The following LVRN variants were observed in gnomAD, a reference collection of about 807,000 sequenced individuals.
LVRN encodes the protein aminopeptidase Q.
In LVRN, 99 loss-of-function variants were observed where a neutral mutation model predicts 111.4. The ratio of observed to expected loss-of-function variants is 0.89; its 90% CI spans 0.76 to 1.05. The LOEUF is 1.05. Among genes scored for constraint, LVRN ranks in the 50% least tolerant of loss-of-function variants. LVRN has a pLI of 0.00. For missense variants in LVRN, 1,414 were observed against 1,206.8 expected (o/e 1.17, Z -2.54); for synonymous variants, 488 against 449.5 (o/e 1.09, Z -1.08).
intron 1 of LVRN, chr5:115,976,144 C>T (rs919759916): frequency 5.3e-5 from 8 of 152,224 alleles, no homozygotes; most frequent in East Asian, 1.9e-4. Flanking sequence ...GGGGTCTCTT[C>T]GGTCCCCACT....
At chr5:115,977,176 A>T (rs1753467250) in intron 1 of LVRN, among the ~76,000 whole-genome samples, 1 of 152,142 alleles carries the variant, frequency 6.6e-6, no homozygotes, top group Non-Finnish European at 1.5e-5. Flanking sequence ...GGAATCCTAT[A>T]CAGATTTCTG....
At chr5:116,000,830 A>C (rs1249508008) in intron 9 of LVRN, among the ~76,000 whole-genome samples, 172 bp downstream of exon 9, 1 of 152,216 alleles carries the variant, frequency 6.6e-6, no homozygotes, top group Non-Finnish European at 1.5e-5. Context: ...CCCAGTGCCC[A>C]GAACAGAGCA....
intron 4 of LVRN, among the ~76,000 whole-genome samples, chr5:115,988,494 T>C (rs986430649): frequency 6.6e-6 from 1 of 152,212 alleles, no homozygotes; most frequent in African/African-American, 2.4e-5. Flanking sequence ...CTGTGTGGTA[T>C]GTTCTTAAAA....
At chr5:116,017,758 GATTGGTAC>G (rs1194826787) in intron 18 of LVRN, among the ~76,000 whole-genome samples, 1 of 152,136 alleles carries the variant, frequency 6.6e-6, no homozygotes, top group Admixed American at 6.5e-5. Context: ...TATTTAAAGT[GATTGGTAC>G]ATAATAAATG....
In LVRN at chr5:116,026,719, C is replaced by T. The variant is rs1352315449; in HGVS notation, c.*601C>T. On this transcript the variant is annotated 3_prime_UTR_variant, in exon 20 of 20. Transcript: ENST00000357872. ...CTGCCCATTTCTCTCTCCCACAGTA[C>T]ATCCTGCATTGAACCACGTGTTGCT... The T allele has an allele frequency of 6.4e-6, 1 of 155,164 alleles. No individual in the cohort carries two copies. Among genetic ancestry groups the T allele is most frequent in the Non-Finnish European group, 1.4e-5 (1 of 70,368 alleles). 9.6% of individuals were successfully genotyped at this position (155,164 alleles called of 1,614,324 possible).
chr5:116,002,392 C>T (rs1046779833), intron 10 of LVRN, among the ~76,000 whole-genome samples: 1 of 152,186 alleles, frequency 6.6e-6, no homozygotes, highest in African/African-American at 2.4e-5. Flanking sequence ...GAATAGTTTT[C>T]AGATGGGGAG....
chr5:115,992,469 A>G (rs1431614923), intron 5 of LVRN, among the ~76,000 whole-genome samples, 192 bp downstream of exon 5: 1 of 152,198 alleles, frequency 6.6e-6, no homozygotes, highest in East Asian at 1.9e-4. Flanking sequence ...GTGACAGATC[A>G]TAGGGAGGAG....
Position 116,021,859 on chromosome 5 carries a change from C to G in LVRN, c.2757-532C>G, listed in dbSNP as rs77582928. ...ACTAGAGGGGAAGTTTCCATGACCA[C>G]GCCTATTGAAACAAGCACAGGGAGA... On this transcript the variant is annotated intron_variant, in intron 18 of 19. Transcript: ENST00000357872. 2.3e-3 allele frequency: 813 copies of G among 349,442 alleles called. 5 individuals are homozygous for G. Among genetic ancestry groups the G allele is most frequent in the African/African-American group, 0.015 (698 of 46,216 alleles). 21.6% of individuals were successfully genotyped at this position (349,442 alleles called of 1,614,324 possible). A position where few individuals can be genotyped will look rare whatever the true frequency, so the allele number is the denominator to read the frequency against.
chr5:115,980,182 A>T (rs751454837), intron 1 of LVRN, among the ~76,000 whole-genome samples: 47 of 152,200 alleles, frequency 3.1e-4, no homozygotes, highest in Admixed American at 1.6e-3. Flanking sequence ...GTGAGATTTG[A>T]AGGGAGGAGA....
At position 116,015,366 on chromosome 5, in the gene LVRN, G is replaced by T; in HGVS notation, c.2565G>T (p.Lys855Asn). Residue 855 changes from lysine to asparagine, a missense_variant, in exon 17 of 20, where the codon AAG becomes AAT. Lys to Asn is a moderately conservative substitution (Grantham distance 94, BLOSUM62 0). Transcript: ENST00000357872. ...CTAATACAACAAACAAAGAAGAAAA[G>T]ATTCAACTTGCTTATGCAATGAGCT... ...TYTNTTNKEEKIQLAYAMSCS... is the reference protein window; with the variant it reads ...TYTNTTNKEENIQLAYAMSCS... The T allele has an allele frequency of 6.2e-7, 1 of 1,610,880 alleles. No individual in the cohort carries two copies. Among genetic ancestry groups the T allele is most frequent in the Non-Finnish European group, 8.5e-7 (1 of 1,179,022 alleles).
Position 116,009,578 on chromosome 5 carries a change from T to TA in LVRN, c.2094-1155dup, listed in dbSNP as rs532622410. ...AACATTTGCAATGCATGAAAGGAGGTAAAAAAAATCAATATAAACAGGAGT... is the reference window on the plus strand; with the variant it reads ...AACATTTGCAATGCATGAAAGGAGGTAAAAAAAAATCAATATAAACAGGAGT... On this transcript the variant is annotated intron_variant, in intron 13 of 19. Transcript: ENST00000357872. Among the ~76,000 whole-genome samples the TA allele has an allele frequency of 1.2e-3, 178 of 151,936 alleles. 1 individual carries two copies. The highest frequency in any genetic ancestry group is 3.4e-3 in the African/African-American group (141 of 41,442).
chr5:116,009,645 T>A (rs1748446255), intron 13 of LVRN, among the ~76,000 whole-genome samples: 1 of 152,168 alleles, frequency 6.6e-6, no homozygotes, highest in African/African-American at 2.4e-5. Flanking sequence ...TTTAAGGGGT[T>A]AAGATTTCAG....
intron 18 of LVRN, 97 bp downstream of exon 18, chr5:116,015,862 C>CTTGGAAGCTCAGCTT: frequency 1.4e-6 from 2 of 1,450,066 alleles, no homozygotes; most frequent in East Asian, 2.4e-5. Flanking sequence ...TTTAGTCTAG[C>CTTGGAAGCTCAGCTT]TAGGCCACAA....
At chr5:115,964,421 G>A (rs559819138) in intron 1 of LVRN, among the ~76,000 whole-genome samples, 125 of 152,208 alleles carry the variant, frequency 8.2e-4, no homozygotes, top group Non-Finnish European at 1.6e-3. Flanking sequence ...GTTTTTAAGG[G>A]CAGCGTGCTT....
At position 115,962,841 on chromosome 5, in the gene LVRN, C is replaced by A. The variant is rs1477961706; in HGVS notation, c.224C>A (p.Ala75Glu). The change falls in exon 1 of 20, where the codon GCA (alanine) becomes GAA (glutamate). Residue 75 changes from alanine to glutamate, a missense_variant. Physicochemically the swap from Ala to Glu is moderately radical, Grantham distance 107. Coordinates refer to ENST00000357872, the MANE Select transcript of LVRN (RefSeq NM_173800.5). ...KPTPTPKPSS[A>E]RELAVTTTPS... ...ACGCCAACCCCGAAACCCAGCAGTG[C>A]ACGCGAGCTAGCGGTGACGACCACC... The A allele has an allele frequency of 1.2e-6, 2 of 1,613,118 alleles. No homozygotes were observed. Among genetic ancestry groups the A allele is most frequent in the South Asian group, 1.1e-5 (1 of 91,046 alleles).
At chr5:116,008,408 G>A (rs1483550661) in intron 13 of LVRN, among the ~76,000 whole-genome samples, 1 of 152,044 alleles carries the variant, frequency 6.6e-6, no homozygotes, top group African/African-American at 2.4e-5. Flanking sequence ...GCCTTTAGGG[G>A]TTCAAGTGAA....
At chr5:115,977,459 T>C (rs1488401883) in intron 1 of LVRN, among the ~76,000 whole-genome samples, 1 of 152,180 alleles carries the variant, frequency 6.6e-6, no homozygotes, top group Non-Finnish European at 1.5e-5. Context: ...TTTATATATT[T>C]TGTCAGGTTT....
chr5:116,003,664 C>T (rs542603938), intron 12 of LVRN, among the ~76,000 whole-genome samples: 21 of 150,632 alleles, frequency 1.4e-4, no homozygotes, highest in African/African-American at 5.1e-4. Context: ...TCACTGCAAG[C>T]TCCGCCTCCC....
At chr5:116,020,283 A>G (rs1048670894) in intron 18 of LVRN, among the ~76,000 whole-genome samples, 2 of 152,230 alleles carry the variant, frequency 1.3e-5, no homozygotes, top group Non-Finnish European at 2.9e-5. Context: ...GTAGGTACAC[A>G]TAGCTATGAA....
Sources: gnomAD v4.1 joint callset for allele counts (sites outside exome capture counted in the v4.1 genomes callset) on GRCh38, gnomAD v4.1.1 for gene constraint, MANE v1.5 for transcripts, NCBI Gene and HGNC (gene_info 2026-07-23, HGNC 2026-07-21) for gene names.